Variants in DLG2 observed in about 807,000 individuals in gnomAD.
DLG2 encodes the protein disks large homolog 2.
A neutral mutation model predicts 132.5 loss-of-function variants in DLG2; 45 were observed. The observed-to-expected ratio is 0.34, with a 90% CI of 0.27 to 0.44. DLG2 has a LOEUF of 0.44. Ranked by LOEUF, DLG2 falls within the 20% of genes least tolerant of loss-of-function variation. The pLI is 1.00. For missense variants in DLG2, 1,045 were observed against 1,196.9 expected (o/e 0.87, Z 1.87); for synonymous variants, 424 against 419.6 (o/e 1.01, Z -0.13).
At chr11:84,609,460 A>C (rs1042169198) in intron 6 of DLG2, among the ~76,000 whole-genome samples, 10 of 152,216 alleles carry the variant, frequency 6.6e-5, no homozygotes, top group Admixed American at 6.5e-4. Flanking sequence ...GTTTTTGGTG[A>C]GAAGACATAG....
intron 19 of DLG2, among the ~76,000 whole-genome samples, chr11:83,624,295 C>T (rs974464185): frequency 1.3e-5 from 2 of 152,110 alleles, no homozygotes; most frequent in African/African-American, 4.8e-5. Flanking sequence ...TACTTTTGTT[C>T]CTCTTCCTAC....
intron 6 of DLG2, among the ~76,000 whole-genome samples, chr11:84,640,812 C>T (rs887980712): frequency 7.2e-5 from 11 of 151,870 alleles, no homozygotes; most frequent in Non-Finnish European, 4.4e-5. Context: ...TGGTGGTGCA[C>T]GCATGTAATT....
At chr11:85,419,311 T>G (rs2090113185) in intron 3 of DLG2, among the ~76,000 whole-genome samples, 1 of 152,216 alleles carries the variant, frequency 6.6e-6, no homozygotes, top group South Asian at 2.1e-4. Flanking sequence ...CTGATGAGAT[T>G]CCCTTTGTGG....
intron 3 of DLG2, among the ~76,000 whole-genome samples, chr11:85,546,274 G>A (rs2076319937): frequency 6.6e-6 from 1 of 152,188 alleles, no homozygotes; most frequent in African/African-American, 2.4e-5. Flanking sequence ...GAAGTAGGTT[G>A]TTCAGTTTCT....
chr11:85,383,677 G>A (rs1020979927), intron 3 of DLG2, among the ~76,000 whole-genome samples: 1 of 152,070 alleles, frequency 6.6e-6, no homozygotes, highest in East Asian at 1.9e-4. Flanking sequence ...ATAAAATACA[G>A]CCTTTAAAAT....
At chr11:84,395,577 CT>C (rs1476398013) in intron 7 of DLG2, among the ~76,000 whole-genome samples, 3 of 152,114 alleles carry the variant, frequency 2.0e-5, no homozygotes, top group African/African-American at 7.2e-5. Context: ...ACCACCACAC[CT>C]TTCTAATTTT....
At chr11:84,206,003 T>C (rs756475357) in intron 8 of DLG2, among the ~76,000 whole-genome samples, 1 of 152,040 alleles carries the variant, frequency 6.6e-6, no homozygotes, top group Non-Finnish European at 1.5e-5. Context: ...GAGAACATCA[T>C]TACGAGTCTT....
intron 16 of DLG2, among the ~76,000 whole-genome samples, chr11:83,864,271 A>G (rs1200896388): frequency 1.3e-5 from 2 of 152,190 alleles, no homozygotes; most frequent in Non-Finnish European, 2.9e-5. Context: ...CAAAGATATA[A>G]TCACACTGAA....
At chr11:84,763,877 T>C (rs2068012322) in intron 6 of DLG2, among the ~76,000 whole-genome samples, 1 of 152,158 alleles carries the variant, frequency 6.6e-6, no homozygotes, top group South Asian at 2.1e-4. Flanking sequence ...CAAAATTCCT[T>C]AAGGAATTTA....
At chr11:84,844,150 T>C (rs1361865497) in intron 6 of DLG2, among the ~76,000 whole-genome samples, 4 of 102,222 alleles carry the variant, frequency 3.9e-5, no homozygotes, top group African/African-American at 9.0e-5. Context: ...TATATATATA[T>C]ATATATATAT....
intron 14 of DLG2, among the ~76,000 whole-genome samples, chr11:83,940,082 C>T (rs116483896): frequency 1.4e-3 from 209 of 152,254 alleles, no homozygotes; most frequent in African/African-American, 4.9e-3. Context: ...TGTTTGGTGG[C>T]CATGAGGGAA....
At chr11:83,816,736 A>G (rs2049062436) in intron 17 of DLG2, among the ~76,000 whole-genome samples, 1 of 152,168 alleles carries the variant, frequency 6.6e-6, no homozygotes, top group African/African-American at 2.4e-5. Flanking sequence ...ACATTTTACA[A>G]TTCCTTTCCC....
chr11:83,714,954 A>G (rs2086342804), intron 18 of DLG2, among the ~76,000 whole-genome samples: 1 of 152,224 alleles, frequency 6.6e-6, no homozygotes, highest in South Asian at 2.1e-4. Context: ...ATAAAGACAC[A>G]TGCACACATA....
intron 18 of DLG2, among the ~76,000 whole-genome samples, chr11:83,705,996 A>G (rs1180047557): frequency 6.6e-6 from 1 of 152,178 alleles, no homozygotes; most frequent in Non-Finnish European, 1.5e-5. Flanking sequence ...AGGCTGGTGG[A>G]TCATGAAGTC....
chr11:85,132,511 TA>T (rs148179503), intron 5 of DLG2, among the ~76,000 whole-genome samples: 5,377 of 144,984 alleles, frequency 0.037, 345 homozygotes, highest in African/African-American at 0.13. Flanking sequence ...AATCCTGCCA[TA>T]AAAAAAAAAC....
rs146433910 is a variant in DLG2, at chr11:83,857,660, C to T, written c.1565+16760G>A. On this transcript the variant is annotated intron_variant, in intron 16 of 27. Transcript: ENST00000376104. ...TAGAATGTGCAACACTAAAAGTGAA[C>T]GCTAATGTAAGCTATGGACCCTGGA... Among the ~76,000 whole-genome samples the T allele has an allele frequency of 1.2e-3, 184 of 152,206 alleles. 1 individual carries two copies. Among genetic ancestry groups the T allele is most frequent in the African/African-American group, 4.1e-3 (171 of 41,538 alleles).
intron 6 of DLG2, among the ~76,000 whole-genome samples, chr11:84,631,298 TAATG>T (rs1402568471): frequency 6.6e-6 from 1 of 152,170 alleles, no homozygotes; most frequent in East Asian, 1.9e-4. Context: ...AATGTTTATC[TAATG>T]AATGAATGAA....
intron 7 of DLG2, among the ~76,000 whole-genome samples, chr11:84,395,556 T>C (rs1433259120): frequency 1.3e-5 from 2 of 152,288 alleles, no homozygotes; most frequent in African/African-American, 4.8e-5. Flanking sequence ...TAGCTGGGAC[T>C]ACAGATGCAC....
intron 3 of DLG2, among the ~76,000 whole-genome samples, chr11:85,405,730 A>G (rs1156998843): frequency 6.6e-6 from 1 of 151,976 alleles, no homozygotes; most frequent in African/African-American, 2.4e-5. Context: ...TTCTAACACA[A>G]TTTACCTAAA....
Sources: allele counts gnomAD v4.1 joint callset (sites outside exome capture counted in the v4.1 genomes callset), GRCh38; gene constraint gnomAD v4.1.1; transcripts MANE v1.5; gene names NCBI Gene and HGNC (gene_info 2026-07-23, HGNC 2026-07-21).